Variants in CNTNAP2 observed in about 807,000 individuals in gnomAD.
CNTNAP2 encodes contactin associated protein 2.
Under a neutral mutation model 155.2 loss-of-function variants are expected in CNTNAP2, and 98 were observed. The ratio of observed to expected loss-of-function variants is 0.63; its 90% CI spans 0.54 to 0.75. CNTNAP2 has a LOEUF of 0.75. Ranked by LOEUF, CNTNAP2 falls within the 30% of genes least tolerant of loss-of-function variation. CNTNAP2 has a pLI of 0.00. For synonymous variants in CNTNAP2, 651 were observed against 631.2 expected, an observed-to-expected ratio of 1.03 and a Z score of -0.47; for missense variants, 1,727 against 1,688.1, an observed-to-expected ratio of 1.02 and a Z score of -0.40.
intron 13 of CNTNAP2, among the ~76,000 whole-genome samples, chr7:147,640,304 G>A (rs909570066): frequency 4.6e-5 from 7 of 151,914 alleles, no homozygotes; most frequent in South Asian, 2.1e-4. Flanking sequence ...GCTATTAACC[G>A]TAGTCACCAT....
intron 1 of CNTNAP2, among the ~76,000 whole-genome samples, chr7:146,506,918 C>T (rs1484590467): frequency 6.6e-6 from 1 of 152,138 alleles, no homozygotes; most frequent in African/African-American, 2.4e-5. Context: ...AGGTGCCTCT[C>T]TTGAAATGGT....
rs1347997265 is a variant in CNTNAP2 at position 148,153,601 on chromosome 7, T to C, written c.2773+5892T>C. Among the ~76,000 whole-genome samples the C allele has an allele frequency of 3.9e-5, 6 of 152,290 alleles. No homozygotes were observed. In the East Asian group the frequency reaches 5.8e-4, roughly 15 times the overall value. ...ACCTGGGCTGTCCGTGGGCCAGATT[T>C]TTCTTAGGCGGTGGAGAAAGCAAAC... On this transcript the variant is annotated intron_variant, in intron 17 of 23. Coordinates refer to ENST00000361727, the MANE Select transcript of CNTNAP2 (RefSeq NM_014141.6).
At chr7:147,372,056 A>G (rs1943326313) in intron 9 of CNTNAP2, among the ~76,000 whole-genome samples, 2 of 152,100 alleles carry the variant, frequency 1.3e-5, no homozygotes, top group Non-Finnish European at 2.9e-5. Flanking sequence ...AGTATTCCCC[A>G]CAACACAGTG....
intron 13 of CNTNAP2, among the ~76,000 whole-genome samples, chr7:147,684,004 G>A (rs947103306): frequency 2.6e-5 from 4 of 151,576 alleles, no homozygotes; most frequent in South Asian, 2.1e-4. Flanking sequence ...AGATGATGCC[G>A]GTTTGAAATT....
At chr7:147,828,999 G>C (rs937103981) in intron 13 of CNTNAP2, among the ~76,000 whole-genome samples, 1 of 152,046 alleles carries the variant, frequency 6.6e-6, no homozygotes, top group African/African-American at 2.4e-5. Flanking sequence ...ATACAACTTT[G>C]ATATGACCTA....
At chr7:146,415,400 A>G (rs1795924607) in intron 1 of CNTNAP2, among the ~76,000 whole-genome samples, 2 of 152,236 alleles carry the variant, frequency 1.3e-5, no homozygotes, top group Non-Finnish European at 2.9e-5. Flanking sequence ...AATTTCAAAC[A>G]CATTGTGTTT....
chr7:147,384,310 C>A (rs1229811580), intron 9 of CNTNAP2, among the ~76,000 whole-genome samples: 1 of 152,120 alleles, frequency 6.6e-6, no homozygotes, highest in Non-Finnish European at 1.5e-5. Context: ...TTTTCTTACA[C>A]ATATTTAATG....
Position 147,768,604 on chromosome 7 carries a change from G to C in CNTNAP2, c.2098+129298G>C, listed in dbSNP as rs996970558. ...GTCTTTAAAATAGCATTTCTTTAAA[G>C]ATGATTCATTTGAGGCCACTTGTAA... On this transcript the variant is annotated intron_variant, in intron 13 of 23. Transcript: ENST00000361727. Among the ~76,000 whole-genome samples the C allele has an allele frequency of 2.6e-5, 4 of 152,160 alleles. 1 individual carries two copies. The highest frequency in any genetic ancestry group is 6.8e-3 in the Middle Eastern group (2 of 294).
At chr7:147,700,597 T>A (rs1030881753) in intron 13 of CNTNAP2, among the ~76,000 whole-genome samples, 1 of 152,088 alleles carries the variant, frequency 6.6e-6, no homozygotes, top group Non-Finnish European at 1.5e-5. Context: ...AGTGCTAAAT[T>A]GAAGAAATAT....
chr7:148,053,731 T>C (rs958765080), intron 15 of CNTNAP2, among the ~76,000 whole-genome samples: 1 of 152,218 alleles, frequency 6.6e-6, no homozygotes, highest in East Asian at 1.9e-4. Flanking sequence ...TGCTGGTAAA[T>C]TATTTATAAT....
At chr7:147,472,204 C>CTTTTTTTTT (rs542047274) in intron 10 of CNTNAP2, among the ~76,000 whole-genome samples, 4 of 81,072 alleles carry the variant, frequency 4.9e-5, no homozygotes, top group East Asian at 3.8e-4. Context: ...TCTTTTTTTC[C>CTTTTTTTTT]TTTTTTTTTT....
At chr7:146,992,979 C>A (rs1270628783) in intron 3 of CNTNAP2, among the ~76,000 whole-genome samples, 2 of 152,102 alleles carry the variant, frequency 1.3e-5, no homozygotes, top group African/African-American at 4.8e-5. Context: ...AGATGCCATG[C>A]GGTTACCAGC....
At chr7:146,822,721 A>ATATATACTTAAG (rs1803313121) in intron 2 of CNTNAP2, among the ~76,000 whole-genome samples, 1 of 147,092 alleles carries the variant, frequency 6.8e-6, no homozygotes, top group Non-Finnish European at 1.5e-5. Context: ...ACACTTAAAT[A>ATATATACTTAAG]TATATACTTA....
intron 1 of CNTNAP2, among the ~76,000 whole-genome samples, chr7:146,377,866 T>G (rs1795325392): frequency 6.6e-6 from 1 of 152,252 alleles, no homozygotes. Flanking sequence ...TAATATAACA[T>G]GCAAATTCTG....
intron 10 of CNTNAP2, among the ~76,000 whole-genome samples, chr7:147,449,890 C>T (rs1448660822): frequency 6.6e-6 from 1 of 152,170 alleles, no homozygotes; most frequent in Non-Finnish European, 1.5e-5. Context: ...ATTTGTCAGC[C>T]AATCACATTA....
At chr7:147,543,679 T>A (rs1034634808) in intron 11 of CNTNAP2, among the ~76,000 whole-genome samples, 1 of 152,186 alleles carries the variant, frequency 6.6e-6, no homozygotes, top group Non-Finnish European at 1.5e-5. Context: ...GTGATCTTGA[T>A]GCATGTAATA....
intron 13 of CNTNAP2, among the ~76,000 whole-genome samples, chr7:147,802,077 G>A (rs1223292517): frequency 7.1e-6 from 1 of 141,660 alleles, no homozygotes; most frequent in Non-Finnish European, 1.6e-5. Context: ...TTGCCGGGCG[G>A]AGGGTCTCCT....
intron 13 of CNTNAP2, among the ~76,000 whole-genome samples, chr7:147,833,897 C>T (rs1389492809): frequency 6.6e-6 from 1 of 152,052 alleles, no homozygotes; most frequent in East Asian, 1.9e-4. Flanking sequence ...TATCTGGTAC[C>T]CCAGCTGGGG....
At position 146,360,802 on chromosome 7, in the gene CNTNAP2, T is replaced by C. The variant is rs187286823; in HGVS notation, c.97+243829T>C. Among the ~76,000 whole-genome samples the C allele has an allele frequency of 7.7e-3, 1,177 of 152,260 alleles. 12 individuals carry two copies. The highest frequency in any genetic ancestry group is 0.025 in the South Asian group (121 of 4,814). On this transcript the variant is annotated intron_variant, in intron 1 of 23. Coordinates refer to ENST00000361727, the MANE Select transcript of CNTNAP2 (RefSeq NM_014141.6). ...ATGACACTAATGGATATTCTCCAGG[T>C]GTTTTTCACTATCAAGAAAATTGAT...
Sources: allele counts gnomAD v4.1 joint callset (sites outside exome capture counted in the v4.1 genomes callset), GRCh38; gene constraint gnomAD v4.1.1; transcripts MANE v1.5; gene names NCBI Gene and HGNC (gene_info 2026-07-23, HGNC 2026-07-21).